Variants in SMO observed in about 807,000 individuals in gnomAD.
SMO encodes protein smoothened.
Under a neutral mutation model 81.6 loss-of-function variants are expected in SMO, and 40 were observed. The observed-to-expected ratio is 0.49, with a 90% confidence interval of 0.38 to 0.64. SMO has a LOEUF of 0.64. Ranked by LOEUF, SMO falls within the 30% of genes least tolerant of loss-of-function variation. The probability of loss-of-function intolerance (pLI) is 0.00; values close to 1 mark genes in which losing one functional copy is unlikely to be tolerated. For missense variants in SMO, 916 were observed against 1,061.1 expected, an observed-to-expected ratio of 0.86 and a Z score of 1.90; for synonymous variants, 434 against 432.1, an observed-to-expected ratio of 1.00 and a Z score of -0.05.
In SMO at chr7:129,208,779, A is replaced by G; in HGVS notation, c.1285A>G (p.Ile429Val). ...TTCAGGAGTCATGACTCTGTTCTCC[A>G]TCAAGAGCAACCACCCCGGGCTGCT... ...LIRGVMTLFS[I>V]KSNHPGLLSE... The change falls in exon 7 of 12, where the codon ATC becomes GTC. Residue 429 changes from isoleucine (I) to valine (V), a missense_variant. Physicochemically the swap from Ile to Val is conservative, Grantham distance 29 (BLOSUM62 3). Coordinates refer to ENST00000249373, the MANE Select transcript of SMO (RefSeq NM_005631.5). This position sits in a 1 kb window ranked among gnomAD's most constrained non-coding sequence, Gnocchi z 5.2. The G allele has an allele frequency of 3.7e-6, 6 of 1,613,450 alleles. No homozygotes were observed. The highest frequency in any genetic ancestry group is 4.2e-6 in the Non-Finnish European group (5 of 1,179,524).
At position 129,211,148 on chromosome 7, in the gene SMO, G is replaced by T; in HGVS notation, c.1801+35G>T. ...ACCCCTCCTCTACCGGAGCCGCCTGGCCCCGCGCTGCCCATGTGCTAGTCT... is the reference window on the plus strand; with the variant it reads ...ACCCCTCCTCTACCGGAGCCGCCTGTCCCCGCGCTGCCCATGTGCTAGTCT... On this transcript the variant is annotated intron_variant, in intron 10 of 11. Coordinates refer to ENST00000249373, the MANE Select transcript of SMO (RefSeq NM_005631.5). The surrounding 1 kb of genome is among the most constrained non-coding windows in gnomAD (Gnocchi z 4.6). 6.4e-6 allele frequency: 10 copies of T among 1,573,986 alleles called. No homozygotes were observed. The highest frequency in any genetic ancestry group is 3.4e-6 in the Non-Finnish European group (4 of 1,159,714).
Position 129,211,163 on chromosome 7 carries a change from T to A in SMO, c.1801+50T>A, listed in dbSNP as rs899517785. On this transcript the variant is annotated intron_variant, in intron 10 of 11. Coordinates refer to ENST00000249373, the MANE Select transcript of SMO (RefSeq NM_005631.5). The surrounding 1 kb of genome is among the most constrained non-coding windows in gnomAD (Gnocchi z 4.6). ...GAGCCGCCTGGCCCCGCGCTGCCCATGTGCTAGTCTCTCCCAGCCTGCTGG... is the reference window on the plus strand; with the variant it reads ...GAGCCGCCTGGCCCCGCGCTGCCCAAGTGCTAGTCTCTCCCAGCCTGCTGG... 6.4e-7 allele frequency: 1 copy of A among 1,555,432 alleles called. No individual in the cohort carries two copies.
chr7:129,196,794 G>A (rs527829220), intron 1 of SMO, among the ~76,000 whole-genome samples: 17 of 152,102 alleles, frequency 1.1e-4, no homozygotes, highest in Admixed American at 5.2e-4. Flanking sequence ...AAGGCAGGGG[G>A]ATCACGAGGT....
chr7:129,213,106 A>G lies in SMO; in HGVS notation c.*655A>G, dbSNP rs953092612. 1.3e-5 allele frequency: 3 copies of G among 235,566 alleles called. No individual in the cohort carries two copies. Among genetic ancestry groups the G allele is most frequent in the African/African-American group, 4.4e-5 (2 of 45,278 alleles). The allele number at this position is 235,566 out of a possible 1,614,324, so 14.6% of individuals were successfully genotyped here. ...TTTCAGTTCAGTTTCAGCGGTGCCAACCTCTTTGCGTTTCCTTTTTGTTGA... is the reference window on the plus strand; with the variant it reads ...TTTCAGTTCAGTTTCAGCGGTGCCAGCCTCTTTGCGTTTCCTTTTTGTTGA... On this transcript the variant is annotated 3_prime_UTR_variant, in exon 12 of 12. Coordinates refer to ENST00000249373, the MANE Select transcript of SMO (RefSeq NM_005631.5).
At position 129,205,687 on chromosome 7, in the gene SMO, T is replaced by C; in HGVS notation, c.825T>C (p.Phe275=). Residue 275 remains phenylalanine, a synonymous_variant, in exon 4 of 12, where the codon TTT becomes TTC. Transcript: ENST00000249373. The part of the protein sequence containing the change: ...VILFYVNACF[F]VGSIGWLAQF... ...TCTTCTACGTCAATGCGTGCTTCTT[T>C]GTGGGCAGCATTGGCTGGCTGGCCC... The C allele has an allele frequency of 6.2e-7, 1 of 1,613,808 alleles. No homozygotes were observed. Among genetic ancestry groups the C allele is most frequent in the Non-Finnish European group, 8.5e-7 (1 of 1,179,988 alleles).
In SMO at chr7:129,212,538, C is replaced by G; in HGVS notation, c.*87C>G. 2 of 1,334,524 alleles carry G rather than the reference C, an allele frequency of 1.5e-6. No individual in the cohort carries two copies. The highest frequency in any genetic ancestry group is 1.4e-5 in the South Asian group (1 of 73,182). The allele number at this position is 1,334,524 out of a possible 1,614,324, so 82.7% of individuals were successfully genotyped here. ...CTCACCGAGCATGCTTCCCTAGGAT[C>G]CCGTCTTCCAGAGAACCTGTGGGCT... On this transcript the variant is annotated 3_prime_UTR_variant, in exon 12 of 12. Coordinates refer to ENST00000249373, the MANE Select transcript of SMO (RefSeq NM_005631.5). This position sits in a 1 kb window ranked among gnomAD's most constrained non-coding sequence, Gnocchi z 5.0.
At chr7:129,192,952 A>T (rs1193538867) in intron 1 of SMO, among the ~76,000 whole-genome samples, 1 of 152,186 alleles carries the variant, frequency 6.6e-6, no homozygotes, top group African/African-American at 2.4e-5. Context: ...GAGGAAGTTT[A>T]TAGCTCAGGT....
Position 129,203,141 on chromosome 7 carries a change from G to T in SMO, c.332-243G>T, listed in dbSNP as rs55674128. 3.7e-3 allele frequency among the ~76,000 whole-genome samples: 567 copies of T among 152,292 alleles called. 4 individuals are homozygous for T. Among genetic ancestry groups the T allele is most frequent in the African/African-American group, 0.013 (533 of 41,546 alleles). On this transcript the variant is annotated intron_variant, in intron 1 of 11. Coordinates refer to ENST00000249373, the MANE Select transcript of SMO (RefSeq NM_005631.5). ...GTAGAGGGCTGGGGCATTTTTGTTT[G>T]TCACAATCACTTCTGGGTTCTACTG...
intron 1 of SMO, among the ~76,000 whole-genome samples, chr7:129,190,857 C>A (rs548096170): frequency 7.4e-4 from 112 of 152,266 alleles, no homozygotes; most frequent in South Asian, 2.1e-3. Context: ...ATATACACTT[C>A]TTTTACGATG....
intron 1 of SMO, among the ~76,000 whole-genome samples, chr7:129,199,775 G>A (rs1389125093): frequency 1.3e-5 from 2 of 151,974 alleles, no homozygotes; most frequent in African/African-American, 2.4e-5. Flanking sequence ...AGAGATGTTC[G>A]ACCTCACTCT....
intron 1 of SMO, among the ~76,000 whole-genome samples, chr7:129,200,338 G>A (rs1353975430): frequency 6.6e-6 from 1 of 151,964 alleles, no homozygotes; most frequent in African/African-American, 2.4e-5. Context: ...GGAGAATGGC[G>A]TGAACCCAGG....
At position 129,211,914 on chromosome 7, in the gene SMO, G is replaced by A; in HGVS notation, c.1937-110G>A. 2 of 1,410,000 alleles carry A rather than the reference G, an allele frequency of 1.4e-6. No individual in the cohort carries two copies. The highest frequency in any genetic ancestry group is 1.9e-6 in the Non-Finnish European group (2 of 1,035,982). 87.3% of individuals were successfully genotyped at this position (1,410,000 alleles called of 1,614,324 possible). The stretch of plus-strand genomic sequence containing the variant: ...CTGAAGAGTGGGGCTGAGGCTCTAA[G>A]AGTCTAGAGACCTGGGCCCCAGAAC... On this transcript the variant is annotated intron_variant, in intron 11 of 11. Transcript: ENST00000249373. This position sits in a 1 kb window ranked among gnomAD's most constrained non-coding sequence, Gnocchi z 4.6.
chr7:129,212,402 G>C lies in SMO; in HGVS notation c.2315G>C (p.Arg772Pro), dbSNP rs149170801. ...RRQGLGPIHSRTNLMDTELMD... is the reference protein window; with the variant it reads ...RRQGLGPIHSPTNLMDTELMD... ...CAGGGCCTGGGGCCTATTCACTCCC[G>C]CACCAACCTGATGGACACAGAACTC... is the stretch of plus-strand genomic sequence containing the variant. The change falls in exon 12 of 12, where the codon CGC becomes CCC. Residue 772 changes from arginine to proline, a missense_variant. Physicochemically the swap from Arg to Pro is moderately radical, Grantham distance 103. Transcript: ENST00000249373. The surrounding 1 kb of genome is among the most constrained non-coding windows in gnomAD (Gnocchi z 5.0). 1.2e-6 allele frequency: 2 copies of C among 1,613,916 alleles called. No homozygotes were observed.
At position 129,210,235 on chromosome 7, in the gene SMO, T is replaced by C. The variant is rs1203481698; in HGVS notation, c.1467-128T>C. 1 of 709,824 alleles carries C rather than the reference T, an allele frequency of 1.4e-6. No homozygotes were observed. Among genetic ancestry groups the C allele is most frequent in the African/African-American group, 1.8e-5 (1 of 56,034 alleles). 44.0% of individuals were successfully genotyped at this position (709,824 alleles called of 1,614,324 possible). A position where few individuals can be genotyped will look rare whatever the true frequency, so the allele number is the denominator to read the frequency against. On this transcript the variant is annotated intron_variant, in intron 8 of 11. Transcript: ENST00000249373. This position sits in a 1 kb window ranked among gnomAD's most constrained non-coding sequence, Gnocchi z 4.7. ...GCAGGAGATTGCCTGAGCCCAGGAG[T>C]TGGAAGCTGCAGTGGGTTGTGATCA... is the stretch of plus-strand genomic sequence containing the variant.
rs1404842660 is a variant in SMO at position 129,205,335 on chromosome 7, G to A, written c.670G>A (p.Glu224Lys). Residue 224 changes from glutamate to lysine, a missense_variant, in exon 3 of 12, where the codon GAG (glutamate) becomes AAG (lysine). By Grantham distance (56) the Glu-to-Lys change is moderately conservative. This residue lies in a region of SMO where 436 missense variants were observed against 570.9 expected (regional missense o/e 0.76). Transcript: ENST00000249373. ...CCAGTGCCAGAACCCGCTCTTCACAGAGGCTGAGCACCAGGACATGCACAG... is the reference window on the plus strand; with the variant it reads ...CCAGTGCCAGAACCCGCTCTTCACAAAGGCTGAGCACCAGGACATGCACAG... Reference protein sequence around the residue: ...GIQCQNPLFTEAEHQDMHSYI... With the variant: ...GIQCQNPLFTKAEHQDMHSYI... 2 of 1,614,092 alleles carry A rather than the reference G, an allele frequency of 1.2e-6. No homozygotes were observed. Among genetic ancestry groups the A allele is most frequent in the Admixed American group, 3.3e-5 (2 of 60,010 alleles).
Position 129,205,491 on chromosome 7 carries a change from G to A in SMO, c.747+79G>A, listed in dbSNP as rs1447252628. On this transcript the variant is annotated intron_variant, in intron 3 of 11. Transcript: ENST00000249373. ...GAGCCAGAGGGAAGGGGGGCAAAGA[G>A]GTCTTGGTGGGGGTCCCCAGGGAAG... 1.2e-5 allele frequency: 18 copies of A among 1,531,790 alleles called. No homozygotes were observed. The Admixed American group carries it at 2.9e-4, about 24-fold the overall frequency. The allele number at this position is 1,531,790 out of a possible 1,614,324, so 94.9% of individuals were successfully genotyped here.
Position 129,210,569 on chromosome 7 carries a change from C to T in SMO, c.1652+21C>T, listed in dbSNP as rs1793853486. 1 of 1,592,362 alleles carries T rather than the reference C, an allele frequency of 6.3e-7. No homozygotes were observed. The highest frequency in any genetic ancestry group is 1.1e-5 in the South Asian group (1 of 90,622). ...TGCAGGTGGGCATGGCAGCCAGCCC[C>T]TCCTGCCCTGCCCGCCTCACCCTCA... On this transcript the variant is annotated intron_variant, in intron 9 of 11. Coordinates refer to ENST00000249373, the MANE Select transcript of SMO (RefSeq NM_005631.5). This position sits in a 1 kb window ranked among gnomAD's most constrained non-coding sequence, Gnocchi z 4.7.
At position 129,189,330 on chromosome 7, in the gene SMO, C is replaced by G. The variant is rs549592958; in HGVS notation, c.179C>G (p.Pro60Arg). 6.6e-7 allele frequency: 1 copy of G among 1,512,262 alleles called. No homozygotes were observed. The highest frequency in any genetic ancestry group is 8.8e-7 in the Non-Finnish European group (1 of 1,137,370). 93.7% of individuals were successfully genotyped at this position (1,512,262 alleles called of 1,614,324 possible). A position where few individuals can be genotyped will look rare whatever the true frequency, so the allele number is the denominator to read the frequency against. Residue 60 changes from proline (P) to arginine (R), a missense_variant, in exon 1 of 12, where the codon CCG (proline) becomes CGG (arginine). This residue lies in a region of SMO where 146 missense variants were observed against 149.9 expected (regional missense o/e 0.97). Transcript: ENST00000249373. The surrounding 1 kb of genome is among the most constrained non-coding windows in gnomAD (Gnocchi z 4.7). ...RSAAVTGPPP[P>R]LSHCGRAAPC... The stretch of plus-strand genomic sequence containing the variant: ...GCGGCGGTGACTGGCCCTCCGCCGC[C>G]GCTGAGCCACTGCGGCCGGGCTGCC...
rs912880810 is a variant in SMO at position 129,203,401 on chromosome 7, C to T, written c.349C>T (p.Arg117Cys). Residue 117 changes from arginine (R) to cysteine (C), a missense_variant, in exon 2 of 12, where the codon CGC becomes TGC. Physicochemically the swap from Arg to Cys is radical, Grantham distance 180. Coordinates refer to ENST00000249373, the MANE Select transcript of SMO (RefSeq NM_005631.5). ...VLWSGLRNAP[R>C]CWAVIQPLLC... ...ACCCCCAGGCCTCCGGAATGCCCCC[C>T]GCTGCTGGGCAGTGATCCAGCCCCT... The T allele has an allele frequency of 5.8e-6, 9 of 1,552,542 alleles. No individual in the cohort carries two copies. The highest frequency in any genetic ancestry group is 2.0e-5 in the Admixed American group (1 of 51,132).
Sources: allele counts gnomAD v4.1 joint callset (sites outside exome capture counted in the v4.1 genomes callset), GRCh38; gene constraint gnomAD v4.1.1; regional missense constraint gnomAD v4.1.1; non-coding constraint Gnocchi (gnomAD v3.1); transcripts MANE v1.5; gene names NCBI Gene and HGNC (gene_info 2026-07-23, HGNC 2026-07-21).